The following MYO7A variants were observed in gnomAD, a reference collection of about 807,000 sequenced individuals.
MYO7A encodes unconventional myosin-VIIa.
MYO7A carries 210 observed loss-of-function variants against 263.8 expected under a neutral mutation model. The observed-to-expected ratio is 0.80, with a 90% CI of 0.71 to 0.89. The LOEUF is 0.89. MYO7A is among the 40% of genes least tolerant of loss of function. The pLI is 0.00. For synonymous variants in MYO7A, 1,239 were observed against 1,197.3 expected (o/e 1.03, Z -0.72); for missense variants, 2,820 against 2,968.3 (o/e 0.95, Z 1.16).
rs782031194 is a variant in MYO7A, at chr11:77,182,004, G to C, written c.2958G>C (p.Leu986=). 1.1e-5 allele frequency: 18 copies of C among 1,613,234 alleles called. No homozygotes were observed. The Admixed American group carries it at 2.8e-4, about 25-fold the overall frequency. Reference sequence around the variant, plus strand: ...TGGAGGAGGACCTGGATGCAGCCCTGCCCCTGCCTGACGAGGATGAGGAGG... The same window carrying C: ...TGGAGGAGGACCTGGATGCAGCCCTCCCCCTGCCTGACGAGGATGAGGAGG... ...EMVEEDLDAA[L]PLPDEDEEDL... Residue 986 remains leucine (L), a synonymous_variant, in exon 24 of 49, where the codon CTG becomes CTC. Transcript: ENST00000409709.
chr11:77,130,729 A>C lies in MYO7A; in HGVS notation c.18+77A>C, dbSNP rs894359468. 1.4e-5 allele frequency: 21 copies of C among 1,515,946 alleles called. No homozygotes were observed. The African/African-American group carries it at 2.8e-4, about 20-fold the overall frequency. 93.9% of individuals were successfully genotyped at this position (1,515,946 alleles called of 1,614,324 possible). ...TCATCCATATGCTTACCCGTGGGACACCCTCCCCAGGGTGTTCTCTTGGAA... is the reference window on the plus strand; with the variant it reads ...TCATCCATATGCTTACCCGTGGGACCCCCTCCCCAGGGTGTTCTCTTGGAA... On this transcript the variant is annotated intron_variant, in intron 2 of 48. Transcript: ENST00000409709.
intron 46 of MYO7A, chr11:77,212,739 G>T (rs1957962791): frequency 1.7e-6 from 1 of 601,126 alleles, no homozygotes; most frequent in East Asian, 2.8e-5. Flanking sequence ...GGAGGACAAA[G>T]CAGAGGATGG....
intron 30 of MYO7A, 41 bp from the exon 31 acceptor site, chr11:77,192,010 C>T (rs1482208055): frequency 4.5e-6 from 7 of 1,568,568 alleles, no homozygotes; most frequent in Non-Finnish European, 6.1e-6. Flanking sequence ...CATAGTCCTT[C>T]CCTGACTCTG....
rs1389322234 is a variant in MYO7A at position 77,179,587 on chromosome 11, G to C, written c.2368-148G>C. ...AGAGGAAACAGAACTTTCTAACGAT[G>C]GGGGGGCACTAATCTGAGAGGAGAC... On this transcript the variant is annotated intron_variant, in intron 20 of 48. Transcript: ENST00000409709. 1.2e-5 allele frequency: 8 copies of C among 664,720 alleles called. No individual in the cohort carries two copies. The East Asian group carries it at 2.2e-4, about 19-fold the overall frequency. 41.2% of individuals were successfully genotyped at this position (664,720 alleles called of 1,614,324 possible).
intron 14 of MYO7A, 129 bp from the exon 15 acceptor site, chr11:77,165,927 A>G: frequency 1.6e-6 from 1 of 620,416 alleles, no homozygotes; most frequent in Non-Finnish European, 2.8e-6. Flanking sequence ...TCCAGGCCTC[A>G]GGGCCCCCGT....
intron 3 of MYO7A, among the ~76,000 whole-genome samples, chr11:77,147,252 T>C (rs1158649672): frequency 2.0e-5 from 3 of 151,476 alleles, no homozygotes; most frequent in African/African-American, 7.3e-5. Context: ...CAGTGGTCTC[T>C]TTCTCTTCCT....
At chr11:77,200,510 C>T (rs1278646208) in intron 35 of MYO7A, among the ~76,000 whole-genome samples, 1 of 152,204 alleles carries the variant, frequency 6.6e-6, no homozygotes, top group African/African-American at 2.4e-5. Context: ...GGGACCCACT[C>T]CCATGACCCA....
rs1350866134 is a variant in MYO7A, at chr11:77,204,152, G to C, written c.5403G>C (p.Glu1801Asp). 1.9e-6 allele frequency: 3 copies of C among 1,596,162 alleles called. No homozygotes were observed. Among genetic ancestry groups the C allele is most frequent in the South Asian group, 2.3e-5 (2 of 87,428 alleles). Residue 1801 changes from glutamate to aspartate, a missense_variant, in exon 39 of 49, where the codon GAG becomes GAC. By Grantham distance (45) the Glu-to-Asp change is conservative. Transcript: ENST00000409709. ...ACGAGCTCACCGACCAGATCTTTGAGGGTCCCCTGAAAGCCGAGCCCCTGA... is the reference window on the plus strand; with the variant it reads ...ACGAGCTCACCGACCAGATCTTTGACGGTCCCCTGAAAGCCGAGCCCCTGA... ...SVNELTDQIF[E>D]GPLKAEPLKD...
chr11:77,169,789 G>A (rs1006537064), intron 15 of MYO7A, among the ~76,000 whole-genome samples: 1 of 152,188 alleles, frequency 6.6e-6, no homozygotes, highest in African/African-American at 2.4e-5. Flanking sequence ...TAGTTAGAAA[G>A]CCAAGGCCAG....
intron 16 of MYO7A, among the ~76,000 whole-genome samples, chr11:77,173,991 C>A (rs115873823): frequency 0.011 from 1,676 of 152,140 alleles, 31 homozygotes; most frequent in African/African-American, 0.038. Flanking sequence ...TGGCAATAGC[C>A]TCCTCAAGGG....
intron 10 of MYO7A, 27 bp from the exon 11 acceptor site, chr11:77,160,136 G>GAGCA: frequency 6.5e-7 from 1 of 1,544,674 alleles, no homozygotes; most frequent in East Asian, 2.5e-5. Context: ...GCTGGCAGGT[G>GAGCA]AGCACCTGGG....
At chr11:77,160,022 T>C in intron 10 of MYO7A, 141 bp from the exon 11 acceptor site, 1 of 1,307,068 alleles carries the variant, frequency 7.7e-7, no homozygotes, top group Non-Finnish European at 1.0e-6. Flanking sequence ...TAGGGAGGAT[T>C]TGGCCGTGGG....
intron 2 of MYO7A, among the ~76,000 whole-genome samples, chr11:77,141,884 G>A (rs556748681): frequency 1.8e-4 from 27 of 152,316 alleles, no homozygotes; most frequent in South Asian, 4.1e-4. Flanking sequence ...CAAAGTGATC[G>A]TGCTGATCTA....
chr11:77,212,471 T>G (rs1957952549), intron 46 of MYO7A: 1 of 349,672 alleles, frequency 2.9e-6, no homozygotes. Flanking sequence ...AGGGGTGGCC[T>G]GCCTTGGAGG....
At chr11:77,183,848 CA>C (rs1223241746) in intron 26 of MYO7A, among the ~76,000 whole-genome samples, 1 of 152,222 alleles carries the variant, frequency 6.6e-6, no homozygotes, top group Non-Finnish European at 1.5e-5. Context: ...GTCCTGTCCC[CA>C]CCTGAGGCAC....
rs1384766074 is a variant in MYO7A, at chr11:77,206,146, C to T, written c.5686C>T (p.Gln1896Ter). 1.2e-6 allele frequency: 2 copies of T among 1,613,594 alleles called. No individual in the cohort carries two copies. Among genetic ancestry groups the T allele is most frequent in the Non-Finnish European group, 1.7e-6 (2 of 1,179,762 alleles). The change falls in exon 41 of 49, where the codon CAG becomes TAG. Residue 1896 changes from glutamine (Q) to a stop codon, truncating the protein, a stop_gained. Coordinates refer to ENST00000409709, the MANE Select transcript of MYO7A (RefSeq NM_000260.4). LOFTEE classifies it high-confidence loss of function. Reference protein sequence around the residue: ...PPHLVEVEAIQHKTTQIFHKV... With the variant: ...PPHLVEVEAI ...GCACCTGGTGGAGGTGGAGGCCATC[C>T]AGCACAAGACCACCCAGATTTTCCA...
chr11:77,182,187 G>T (rs1955286730), intron 24 of MYO7A, 33 bp downstream of exon 24: 1 of 1,610,768 alleles, frequency 6.2e-7, no homozygotes, highest in Non-Finnish European at 8.5e-7. Flanking sequence ...TCACTGCTGG[G>T]TGGGGCCAGG....
chr11:77,182,878 A>C (rs2135502468), intron 25 of MYO7A, among the ~76,000 whole-genome samples, 190 bp from the exon 26 acceptor site: 1 of 152,308 alleles, frequency 6.6e-6, no homozygotes. Flanking sequence ...TCTGAGTCTC[A>C]GTTTTCCTGA....
chr11:77,187,105 T>C (rs573136103), intron 27 of MYO7A, among the ~76,000 whole-genome samples: 1 of 152,324 alleles, frequency 6.6e-6, no homozygotes, highest in Admixed American at 6.5e-5. Context: ...GTTTGCCATA[T>C]TCTATGGGCA....
Sources: gnomAD v4.1 joint callset for allele counts (sites outside exome capture counted in the v4.1 genomes callset) on GRCh38, gnomAD v4.1.1 for gene constraint, MANE v1.5 for transcripts, NCBI Gene and HGNC (gene_info 2026-07-23, HGNC 2026-07-21) for gene names.